The following CLSTN2 variants were observed in gnomAD, a reference collection of about 807,000 sequenced individuals.
CLSTN2 encodes calsyntenin-2.
In CLSTN2, 48 loss-of-function variants were observed where a neutral mutation model predicts 101.2. The observed-to-expected ratio is 0.47, with a 90% CI of 0.38 to 0.60. The LOEUF is 0.60. Ranked by LOEUF, CLSTN2 falls within the 20% of genes least tolerant of loss-of-function variation. The probability of loss-of-function intolerance (pLI) is 0.00; values close to 1 mark genes in which losing one functional copy is unlikely to be tolerated. For missense variants in CLSTN2, 1,160 were observed against 1,238.2 expected, an observed-to-expected ratio of 0.94 and a Z score of 0.95; for synonymous variants, 481 against 463.6, an observed-to-expected ratio of 1.04 and a Z score of -0.48.
At chr3:140,170,122 A>C (rs936166497) in intron 1 of CLSTN2, among the ~76,000 whole-genome samples, 1 of 152,206 alleles carries the variant, frequency 6.6e-6, no homozygotes, top group African/African-American at 2.4e-5. Context: ...AGCTGTGATC[A>C]TAGGAACATG....
chr3:140,545,600 G>A (rs970362697), intron 9 of CLSTN2, among the ~76,000 whole-genome samples: 1 of 152,254 alleles, frequency 6.6e-6, no homozygotes, highest in African/African-American at 2.4e-5. Flanking sequence ...GAAGGAGCCT[G>A]TGCTCAGTAA....
chr3:140,073,599 G>A (rs1387140790), intron 1 of CLSTN2, among the ~76,000 whole-genome samples: 1 of 152,202 alleles, frequency 6.6e-6, no homozygotes, highest in Non-Finnish European at 1.5e-5. Context: ...TCTCCCAATG[G>A]ACCAAGGATG....
intron 2 of CLSTN2, among the ~76,000 whole-genome samples, chr3:140,237,803 T>A (rs2086430089): frequency 6.6e-6 from 1 of 152,206 alleles, no homozygotes; most frequent in Non-Finnish European, 1.5e-5. Context: ...TAGTATGAAG[T>A]GGAAGTCCTA....
At chr3:140,309,104 A>G (rs2087140403) in intron 2 of CLSTN2, among the ~76,000 whole-genome samples, 1 of 152,346 alleles carries the variant, frequency 6.6e-6, no homozygotes, top group African/African-American at 2.4e-5. Context: ...CATAGAACTT[A>G]CAATCAGGTA....
chr3:140,201,429 G>C (rs919825538), intron 2 of CLSTN2, among the ~76,000 whole-genome samples: 2 of 152,004 alleles, frequency 1.3e-5, no homozygotes, highest in African/African-American at 4.8e-5. Context: ...AATGAGAGAA[G>C]AGCACTGGGA....
intron 8 of CLSTN2, among the ~76,000 whole-genome samples, chr3:140,487,722 C>T (rs1363604288): frequency 6.6e-6 from 1 of 152,222 alleles, no homozygotes; most frequent in Non-Finnish European, 1.5e-5. Flanking sequence ...CCCCTTGTCC[C>T]TCTGTTTAGG....
chr3:140,512,409 C>T (rs535865767), intron 8 of CLSTN2, among the ~76,000 whole-genome samples: 40 of 152,250 alleles, frequency 2.6e-4, no homozygotes, highest in Non-Finnish European at 5.6e-4. Flanking sequence ...TCAGGTTTGT[C>T]AAAGATCAGA....
At chr3:140,267,817 T>C (rs1053033867) in intron 2 of CLSTN2, among the ~76,000 whole-genome samples, 2 of 152,078 alleles carry the variant, frequency 1.3e-5, no homozygotes, top group Admixed American at 1.3e-4. Context: ...GTGGGAACTG[T>C]GGTATGGCTC....
chr3:139,995,079 CA>C (rs927276084), intron 1 of CLSTN2, among the ~76,000 whole-genome samples: 2 of 152,090 alleles, frequency 1.3e-5, no homozygotes, highest in African/African-American at 4.8e-5. Context: ...GCTCTGGGGA[CA>C]ATTGGATCAA....
At chr3:140,500,794 A>C (rs1934561119) in intron 8 of CLSTN2, among the ~76,000 whole-genome samples, 1 of 152,212 alleles carries the variant, frequency 6.6e-6, no homozygotes. Context: ...AAAATGGAAT[A>C]TTGTGGGGGT....
chr3:140,123,752 C>T (rs1439833416), intron 1 of CLSTN2, among the ~76,000 whole-genome samples: 1 of 151,836 alleles, frequency 6.6e-6, no homozygotes, highest in Admixed American at 6.6e-5. Flanking sequence ...CTTGCTGTGT[C>T]CTCACATGGA....
At chr3:140,458,740 C>T (rs1933479608) in intron 6 of CLSTN2, among the ~76,000 whole-genome samples, 1 of 152,308 alleles carries the variant, frequency 6.6e-6, no homozygotes, top group East Asian at 1.9e-4. Flanking sequence ...CTGAGTGAAC[C>T]TTCGCCATGC....
chr3:139,966,924 A>G (rs1481725138), intron 1 of CLSTN2, among the ~76,000 whole-genome samples: 2 of 152,162 alleles, frequency 1.3e-5, no homozygotes, highest in Non-Finnish European at 2.9e-5. Flanking sequence ...TCATCACTCT[A>G]TCGTGCTGCC....
At chr3:140,219,893 C>G (rs2086251615) in intron 2 of CLSTN2, among the ~76,000 whole-genome samples, 1 of 152,214 alleles carries the variant, frequency 6.6e-6, no homozygotes. Flanking sequence ...TGAGTACTCT[C>G]TCTTTTCTGT....
At chr3:140,411,685 G>A (rs1041225032) in intron 4 of CLSTN2, among the ~76,000 whole-genome samples, 24 of 152,326 alleles carry the variant, frequency 1.6e-4, no homozygotes, top group African/African-American at 5.3e-4. Context: ...AACTCTTCAA[G>A]TTTCTCTACC....
chr3:140,005,387 A>G (rs2006934186), intron 1 of CLSTN2, among the ~76,000 whole-genome samples: 2 of 152,076 alleles, frequency 1.3e-5, no homozygotes, highest in Admixed American at 1.3e-4. Flanking sequence ...CCTTGGCTTT[A>G]TTCCCTGCAT....
intron 1 of CLSTN2, among the ~76,000 whole-genome samples, chr3:140,043,245 G>T (rs1425161586): frequency 2.0e-5 from 3 of 152,098 alleles, no homozygotes; most frequent in Non-Finnish European, 4.4e-5. Flanking sequence ...ATCTCATTGT[G>T]GTTTTGATTT....
At chr3:140,287,316 T>C (rs1559829359) in intron 2 of CLSTN2, among the ~76,000 whole-genome samples, 1 of 152,204 alleles carries the variant, frequency 6.6e-6, no homozygotes, top group Non-Finnish European at 1.5e-5. Context: ...TATGAAATTC[T>C]AGAAAATGCA....
intron 8 of CLSTN2, among the ~76,000 whole-genome samples, chr3:140,467,176 A>C (rs192581183): frequency 3.9e-5 from 6 of 152,282 alleles, no homozygotes; most frequent in Non-Finnish European, 7.4e-5. Flanking sequence ...GACACAGAGC[A>C]CCTTAGGCAG....
Sources: gnomAD v4.1 joint callset for allele counts (sites outside exome capture counted in the v4.1 genomes callset) on GRCh38, gnomAD v4.1.1 for gene constraint, MANE v1.5 for transcripts, NCBI Gene and HGNC (gene_info 2026-07-23, HGNC 2026-07-21) for gene names.